EVL: variants seen among roughly 807,000 people sequenced by gnomAD.
EVL encodes the protein ena/VASP-like protein.
Under a neutral mutation model 59.6 loss-of-function variants are expected in EVL, and 21 were observed. The ratio of observed to expected loss-of-function variants is 0.35; its 90% CI spans 0.25 to 0.51. The LOEUF is 0.51. EVL is among the 20% of genes least tolerant of loss of function. EVL has a pLI of 0.97. For synonymous variants in EVL, 198 were observed against 203.5 expected, an observed-to-expected ratio of 0.97 and a Z score of 0.23; for missense variants, 462 against 546.6, an observed-to-expected ratio of 0.85 and a Z score of 1.54.
At position 100,004,759 on chromosome 14, in the gene EVL, A is replaced by G. The variant is rs1018209092; in HGVS notation, c.5+32702A>G. On this transcript the variant is annotated intron_variant, in intron 1 of 13. Transcript: ENST00000402714. ...CCTCTTTATTGCTGTAACTTTCTAT[A>G]TATTTCTCTTATTTCCTGGTTCCTT... is the stretch of plus-strand genomic sequence containing the variant. Among the ~76,000 whole-genome samples the G allele has an allele frequency of 2.0e-5, 3 of 152,174 alleles. No homozygotes were observed. The South Asian group carries it at 6.2e-4, about 31-fold the overall frequency.
rs201553141 is a variant in EVL, at chr14:100,084,884, G to A, written c.180+29G>A. On this transcript the variant is annotated intron_variant, in intron 2 of 13. Transcript: ENST00000392920. Reference sequence around the variant, plus strand: ...AGTGCTGGAATTACAGATTATACCCGTGAGCCTGCGCACCACCTCCTCACC... The same window carrying A: ...AGTGCTGGAATTACAGATTATACCCATGAGCCTGCGCACCACCTCCTCACC... The A allele has an allele frequency of 1.2e-3, 1,930 of 1,609,010 alleles. 19 individuals carry two copies. The South Asian group carries it at 0.013, about 10-fold the overall frequency.
chr14:100,023,790 A>G (rs931443850), intron 1 of EVL, among the ~76,000 whole-genome samples: 1 of 152,118 alleles, frequency 6.6e-6, no homozygotes, highest in African/African-American at 2.4e-5. Context: ...AAACTTTCTT[A>G]GACATCCTTC....
intron 1 of EVL, among the ~76,000 whole-genome samples, chr14:100,026,949 G>A (rs979373916): frequency 1.3e-5 from 2 of 152,186 alleles, no homozygotes; most frequent in African/African-American, 4.8e-5. Context: ...GCACTGGTTG[G>A]TGGAAGAATG....
At chr14:100,075,429 T>A (rs1352307226) in intron 1 of EVL, among the ~76,000 whole-genome samples, 2 of 152,238 alleles carry the variant, frequency 1.3e-5, no homozygotes, top group Non-Finnish European at 2.9e-5. Context: ...ATGTTGAAGG[T>A]AAACAAGTCA....
chr14:99,999,366 C>G (rs1374954368), intron 1 of EVL, among the ~76,000 whole-genome samples: 2 of 152,240 alleles, frequency 1.3e-5, no homozygotes, highest in African/African-American at 4.8e-5. Context: ...TACTTTACCT[C>G]TCTGTCCCTC....
chr14:99,974,615 G>C (rs2060757324), intron 1 of EVL: 1 of 152,434 alleles, frequency 6.6e-6, no homozygotes, highest in South Asian at 2.1e-4. Context: ...GTAGAGATGA[G>C]GTGTACCAGC....
At chr14:100,134,947 C>T (rs1005355263) in intron 8 of EVL, 3 of 152,228 alleles carry the variant, frequency 2.0e-5, no homozygotes, top group Non-Finnish European at 4.4e-5. Context: ...AGCATAACTT[C>T]CCTTTTAAGC....
At position 100,143,603 on chromosome 14, in the gene EVL, C is replaced by T. The variant is rs928695372; in HGVS notation, c.1220-98C>T. ...GCTCCCAGGAGATGGAACAGGGACACATACCAGGCAGGTCCACGCCAGGGG... is the reference window on the plus strand; with the variant it reads ...GCTCCCAGGAGATGGAACAGGGACATATACCAGGCAGGTCCACGCCAGGGG... On this transcript the variant is annotated intron_variant, in intron 13 of 13. Coordinates refer to ENST00000392920, the MANE Select transcript of EVL (RefSeq NM_016337.3). 1.5e-5 allele frequency: 21 copies of T among 1,442,956 alleles called. No homozygotes were observed. The African/African-American group carries it at 2.6e-4, about 18-fold the overall frequency. 89.4% of individuals were successfully genotyped at this position (1,442,956 alleles called of 1,614,324 possible).
intron 1 of EVL, among the ~76,000 whole-genome samples, chr14:100,045,967 AC>A (rs2061539716): frequency 6.6e-6 from 1 of 152,220 alleles, no homozygotes; most frequent in Non-Finnish European, 1.5e-5. Context: ...GCAGTAGGTC[AC>A]CCAGAACAGC....
chr14:100,047,512 C>G (rs1024914335), intron 1 of EVL, among the ~76,000 whole-genome samples: 10 of 152,050 alleles, frequency 6.6e-5, no homozygotes, highest in African/African-American at 2.4e-4. Flanking sequence ...TCCATTGCTC[C>G]GGGACAGACA....
chr14:100,137,436 C>T (rs1226953602), intron 9 of EVL, 142 bp from the exon 10 acceptor site: 2 of 834,608 alleles, frequency 2.4e-6, no homozygotes, highest in Admixed American at 2.1e-5. Context: ...CAGGTTTTGG[C>T]TTAACTCAAT....
chr14:100,113,752 G>A (rs1341824785), intron 3 of EVL, among the ~76,000 whole-genome samples: 2 of 152,188 alleles, frequency 1.3e-5, no homozygotes, highest in African/African-American at 4.8e-5. Flanking sequence ...GAATGATGGT[G>A]TATTCCTGAG....
At chr14:100,023,086 G>T (rs1411898492) in intron 1 of EVL, among the ~76,000 whole-genome samples, 1 of 152,142 alleles carries the variant, frequency 6.6e-6, no homozygotes, top group Admixed American at 6.6e-5. Context: ...GTGTTTTACA[G>T]CTGCCTAGGG....
chr14:99,979,607 C>G (rs1458311445), intron 1 of EVL, among the ~76,000 whole-genome samples: 1 of 151,860 alleles, frequency 6.6e-6, no homozygotes, highest in Non-Finnish European at 1.5e-5. Flanking sequence ...CGGTGGCTCA[C>G]GCCTGTAATC....
rs772205027 is a variant in EVL at position 100,097,489 on chromosome 14, C to G, written c.189C>G (p.Ile63Met). The G allele has an allele frequency of 6.2e-7, 1 of 1,605,212 alleles. No individual in the cohort carries two copies. The highest frequency in any genetic ancestry group is 1.3e-5 in the African/African-American group (1 of 74,492). The change falls in exon 3 of 14, where the codon ATC (isoleucine) becomes ATG (methionine). Residue 63 changes from isoleucine to methionine, a missense_variant. Transcript: ENST00000392920. ...TCTCCTTTCTCCTCCAGGTTGTGAT[C>G]AATTATTCAATCGTGAAAGGGCTGA... ...GVKLQDQQVVINYSIVKGLKY... is the reference protein window; with the variant it reads ...GVKLQDQQVVMNYSIVKGLKY...
rs375810603 is a variant in EVL at position 100,038,771 on chromosome 14, G to GGGGTGT, written c.6-45915_6-45914insGGTGTG. ...TAGTACCCTGTGTGCTGTGCCCTGG[G>GGGGTGT]GTGTGTGTGTGTGTGTGTGTGTGTG... On this transcript the variant is annotated intron_variant, in intron 1 of 13. Coordinates refer to the EVL transcript ENST00000402714. 3.9e-4 allele frequency among the ~76,000 whole-genome samples: 55 copies of GGGGTGT among 141,006 alleles called. 1 individual carries two copies. The highest frequency in any genetic ancestry group is 1.2e-3 in the African/African-American group (45 of 38,452). The allele number at this position is 141,006 out of a possible 152,430, so 92.5% of individuals were successfully genotyped here.
At chr14:100,023,572 C>T (rs1450635656) in intron 1 of EVL, among the ~76,000 whole-genome samples, 1 of 151,820 alleles carries the variant, frequency 6.6e-6, no homozygotes, top group Non-Finnish European at 1.5e-5. Flanking sequence ...GGTGATCCCC[C>T]TGCCTCGGCC....
chr14:100,030,709 A>G (rs926641081), intron 1 of EVL, among the ~76,000 whole-genome samples: 1 of 152,150 alleles, frequency 6.6e-6, no homozygotes, highest in South Asian at 2.1e-4. Flanking sequence ...TTTGCATGCA[A>G]ATTCCCTGGT....
intron 1 of EVL, among the ~76,000 whole-genome samples, chr14:99,978,523 C>G (rs2060785422): frequency 6.6e-6 from 1 of 151,872 alleles, no homozygotes; most frequent in Non-Finnish European, 1.5e-5. Context: ...TTTAAAATTG[C>G]TACAGTTTAA....
Sources: gnomAD v4.1 joint callset for allele counts (sites outside exome capture counted in the v4.1 genomes callset) on GRCh38, gnomAD v4.1.1 for gene constraint, MANE v1.5 for transcripts, NCBI Gene and HGNC (gene_info 2026-07-23, HGNC 2026-07-21) for gene names.